Variants in COQ8A observed in about 807,000 individuals in gnomAD.
COQ8A encodes the protein coenzyme Q8A.
In COQ8A, 51 loss-of-function variants were observed where a neutral mutation model predicts 65.0. The ratio of observed to expected loss-of-function variants is 0.78; its 90% confidence interval spans 0.63 to 0.99. The LOEUF is 0.99. Ranked by LOEUF, COQ8A falls within the 50% of genes least tolerant of loss-of-function variation. The pLI is 0.00. For missense variants in COQ8A, 940 were observed against 875.0 expected (o/e 1.07, Z -0.94); for synonymous variants, 371 against 353.2 (o/e 1.05, Z -0.57).
Position 226,982,670 on chromosome 1 carries a change from C to T in COQ8A, c.854-8C>T, listed in dbSNP as rs772922985. The T allele has an allele frequency of 1.2e-6, 2 of 1,612,882 alleles. No homozygotes were observed. Among genetic ancestry groups the T allele is most frequent in the Non-Finnish European group, 1.7e-6 (2 of 1,179,902 alleles). ...AGGTTCGCCCTGTGTCATTCTCCTG[C>T]CTTCCAGATGATGCCTTTATCAACC... On this transcript the variant is annotated splice_polypyrimidine_tract_variant and splice_region_variant and intron_variant, in intron 6 of 14. Transcript: ENST00000366777.
In COQ8A at chr1:226,983,934, C is replaced by T. The variant is rs1572082416; in HGVS notation, c.1256+80C>T. On this transcript the variant is annotated intron_variant, in intron 10 of 14. Transcript: ENST00000366777. ...CATGTTCAGCAGCTGGTGAAGGCCC[C>T]TCCAGCTCTGAGGGGCAGAGGGCTG... is the stretch of plus-strand genomic sequence containing the variant. The T allele has an allele frequency of 2.2e-5, 34 of 1,562,674 alleles. No homozygotes were observed. The South Asian group carries it at 3.6e-4, about 17-fold the overall frequency.
intron 5 of COQ8A, 42 bp from the exon 6 acceptor site, chr1:226,981,985 A>G: frequency 6.2e-7 from 1 of 1,611,598 alleles, no homozygotes; most frequent in Non-Finnish European, 8.5e-7. Flanking sequence ...CCACTCCCAG[A>G]CCCCCCCGAG....
intron 4 of COQ8A, among the ~76,000 whole-genome samples, chr1:226,967,416 G>GTGC (rs1442059488): frequency 6.6e-6 from 1 of 152,170 alleles, no homozygotes; most frequent in Non-Finnish European, 1.5e-5. Flanking sequence ...TTCAGGACTG[G>GTGC]TGCAGTCCTC....
In COQ8A at chr1:226,984,143, G is replaced by A. The variant is rs771325433; in HGVS notation, c.1306G>A (p.Glu436Lys). 8 of 1,613,856 alleles carry A rather than the reference G, an allele frequency of 5.0e-6. No homozygotes were observed. In the East Asian group the frequency reaches 1.3e-4, roughly 27 times the overall value. ...PFFYVPEIVD[E>K]LCSPHVLTTE... ...CTTCTATGTGCCTGAGATTGTGGAT[G>A]AGCTCTGCAGCCCACATGTGCTGAC... is the stretch of plus-strand genomic sequence containing the variant. Residue 436 changes from glutamate to lysine, a missense_variant, in exon 11 of 15, where the codon GAG (glutamate) becomes AAG (lysine). By Grantham distance (56) the Glu-to-Lys change is moderately conservative. Coordinates refer to ENST00000366777, the MANE Select transcript of COQ8A (RefSeq NM_020247.5).
At chr1:226,960,570 GTGGTGGTGGTGCT>G (rs1319154978) in intron 1 of COQ8A, among the ~76,000 whole-genome samples, 2 of 150,996 alleles carry the variant, frequency 1.3e-5, no homozygotes, top group Non-Finnish European at 3.0e-5. Flanking sequence ...GTACTTGGTG[GTGGTGGTGGTGCT>G]TGGTGGTGGT....
chr1:226,983,836 C>T lies in COQ8A; in HGVS notation c.1238C>T (p.Ala413Val), dbSNP rs1659875835. 6.2e-7 allele frequency: 1 copy of T among 1,610,984 alleles called. No individual in the cohort carries two copies. The highest frequency in any genetic ancestry group is 8.5e-7 in the Non-Finnish European group (1 of 1,179,886). The change falls in exon 10 of 15, where the codon GCC becomes GTC. Residue 413 changes from alanine to valine, a missense_variant. Ala to Val is a moderately conservative substitution (Grantham distance 64). Transcript: ENST00000366777. ...ALECDYQREA[A>V]CARKFRDLLK... ...GAGTGTGACTACCAGCGAGAGGCCG[C>T]CTGTGCCCGCAAGTTCAGGTGTGGC...
intron 1 of COQ8A, among the ~76,000 whole-genome samples, chr1:226,945,258 G>A (rs532011610): frequency 6.6e-6 from 1 of 152,204 alleles, no homozygotes; most frequent in African/African-American, 2.4e-5. Flanking sequence ...CCCGCGCTTG[G>A]TGGCCTTGCT....
At chr1:226,944,513 G>A (rs1335766158) in intron 1 of COQ8A, among the ~76,000 whole-genome samples, 1 of 151,910 alleles carries the variant, frequency 6.6e-6, no homozygotes, top group Non-Finnish European at 1.5e-5. Context: ...ACAGAGGCAG[G>A]GGAAGGGTCT....
rs767236282 is a variant in COQ8A at position 226,984,248 on chromosome 1, C to T, written c.1398+13C>T. 1.9e-6 allele frequency: 3 copies of T among 1,613,316 alleles called. No homozygotes were observed. The Admixed American group carries it at 5.0e-5, about 27-fold the overall frequency. ...GATTCGGAACGAGGTTTGTCTGTGC[C>T]AGCAGACAGGTGGGGCCAGGGTGGC... On this transcript the variant is annotated intron_variant, in intron 11 of 14. Coordinates refer to ENST00000366777, the MANE Select transcript of COQ8A (RefSeq NM_020247.5).
rs1409027139 is a variant in COQ8A, at chr1:226,949,226, T to C, written c.-10+8827T>C. ...CTGGAAAGGAGGCCGGGGGCCTGAT[T>C]TCGATGCCTGGGACTTCAGGCGCAG... On this transcript the variant is annotated intron_variant, in intron 1 of 14. Transcript: ENST00000366777. The surrounding 1 kb of genome is among the most constrained non-coding windows in gnomAD (Gnocchi z 4.0). Among the ~76,000 whole-genome samples the C allele has an allele frequency of 6.6e-6, 1 of 151,884 alleles. No individual in the cohort carries two copies. Among genetic ancestry groups the C allele is most frequent in the Non-Finnish European group, 1.5e-5 (1 of 68,000 alleles).
At chr1:226,983,492 C>G in intron 8 of COQ8A, 60 bp from the exon 9 acceptor site, 1 of 1,522,378 alleles carries the variant, frequency 6.6e-7, no homozygotes, top group African/African-American at 1.4e-5. Context: ...GGGGAGTGCC[C>G]CAGGCAGGGC....
chr1:226,944,764 TGAGAGAGAGAGAGTGA>T (rs1656922753), intron 1 of COQ8A, among the ~76,000 whole-genome samples: 1 of 82,518 alleles, frequency 1.2e-5, no homozygotes, highest in Non-Finnish European at 2.5e-5. Flanking sequence ...AGAGAGAGAG[TGAGAGAGAGAGAGTGA>T]GAGAGAGAGA....
chr1:226,967,723 A>G (rs1658650480), intron 4 of COQ8A, among the ~76,000 whole-genome samples: 1 of 152,230 alleles, frequency 6.6e-6, no homozygotes, highest in Admixed American at 6.5e-5. Context: ...TTGAAGCCCT[A>G]GTCTTGGGTG....
chr1:226,984,422 C>A (rs1229760534), intron 11 of COQ8A, 126 bp from the exon 12 acceptor site: 5 of 1,266,820 alleles, frequency 3.9e-6, no homozygotes, highest in Non-Finnish European at 5.7e-6. Context: ...CCAAGTAACA[C>A]TGGGAATCAA....
chr1:226,985,018 G>A (rs927162841), intron 13 of COQ8A, 77 bp downstream of exon 13: 12 of 1,550,224 alleles, frequency 7.7e-6, no homozygotes, highest in Non-Finnish European at 1.1e-5. Context: ...TCGGGGTAGG[G>A]AGAATGACTG....
chr1:226,978,066 GCA>G lies in COQ8A; in HGVS notation c.730+547_730+548del, dbSNP rs1192978377. On this transcript the variant is annotated intron_variant, in intron 5 of 14. Coordinates refer to ENST00000366777, the MANE Select transcript of COQ8A (RefSeq NM_020247.5). ...CCCCTTGCACACCCACCGAACACCC[GCA>G]CACCTTACCCCTGCACACCCACCGA... Among the ~76,000 whole-genome samples, 7 of 92,132 alleles carry G rather than the reference GCA, an allele frequency of 7.6e-5. No individual in the cohort carries two copies. In the South Asian group the frequency reaches 2.2e-3, roughly 29 times the overall value. The allele number at this position is 92,132 out of a possible 152,430, so 60.4% of individuals were successfully genotyped here.
intron 4 of COQ8A, among the ~76,000 whole-genome samples, chr1:226,973,910 C>T (rs1659041574): frequency 6.6e-6 from 1 of 152,240 alleles, no homozygotes; most frequent in African/African-American, 2.4e-5. Context: ...GGTAGAGAAA[C>T]TCCCCCGAGC....
chr1:226,960,285 T>TTGGTGGTGGTGGTGGTGCTTGG (rs149474542), intron 1 of COQ8A, among the ~76,000 whole-genome samples: 1 of 101,500 alleles, frequency 9.9e-6, no homozygotes, highest in Admixed American at 9.9e-5. Flanking sequence ...GCGGTGGTAC[T>TTGGTGGTGGTGGTGGTGCTTGG]TGGTGGTGGT....
rs748860414 is a variant in COQ8A, at chr1:226,982,884, T to C, written c.940-10T>C. On this transcript the variant is annotated splice_polypyrimidine_tract_variant and intron_variant, in intron 7 of 14. Transcript: ENST00000366777. ...CATGCTCAGAGCCCCTCCCTGGCCC[T>C]GCCCTTCAGAAAACTCTCAACAACG... The C allele has an allele frequency of 3.1e-6, 5 of 1,612,690 alleles. No homozygotes were observed. Among genetic ancestry groups the C allele is most frequent in the Admixed American group, 1.7e-5 (1 of 59,996 alleles).
Sources: gnomAD v4.1 joint callset for allele counts (sites outside exome capture counted in the v4.1 genomes callset) on GRCh38, gnomAD v4.1.1 for gene constraint, Gnocchi (gnomAD v3.1) non-coding constraint, MANE v1.5 for transcripts, NCBI Gene and HGNC (gene_info 2026-07-23, HGNC 2026-07-21) for gene names.